Variants in PLSCR1 observed in about 807,000 individuals in gnomAD.
PLSCR1 encodes PL scramblase 1.
A neutral mutation model predicts 37.8 loss-of-function variants in PLSCR1; 17 were observed. The ratio of observed to expected loss-of-function variants is 0.45; its 90% confidence interval spans 0.31 to 0.68. PLSCR1 has a LOEUF of 0.68. PLSCR1 is among the 30% of genes least tolerant of loss of function. The probability of loss-of-function intolerance (pLI) is 0.06; values close to 1 mark genes in which losing one functional copy is unlikely to be tolerated. For missense variants in PLSCR1, 347 were observed against 380.9 expected, an observed-to-expected ratio of 0.91 and a Z score of 0.74; for synonymous variants, 116 against 125.9, an observed-to-expected ratio of 0.92 and a Z score of 0.53.
At chr3:146,538,765 T>C (rs540630923) in intron 1 of PLSCR1, among the ~76,000 whole-genome samples, 8 of 152,168 alleles carry the variant, frequency 5.3e-5, no homozygotes, top group Non-Finnish European at 1.0e-4. Flanking sequence ...AAAAAATTCA[T>C]AGTTTCTGGA....
chr3:146,521,726 A>G lies in PLSCR1; in HGVS notation c.577-21T>C, dbSNP rs1279448170. 2.5e-6 allele frequency: 4 copies of G among 1,596,840 alleles called. No individual in the cohort carries two copies. The South Asian group carries it at 4.4e-5, about 18-fold the overall frequency. Reference sequence around the variant, plus strand: ...TCTATCTACAAAGGCAAAATAATATATGTAAATGTAATAATCATAATGCCT... The same window carrying G: ...TCTATCTACAAAGGCAAAATAATATGTGTAAATGTAATAATCATAATGCCT... On this transcript the variant is annotated intron_variant, in intron 6 of 8. Coordinates refer to ENST00000342435, the MANE Select transcript of PLSCR1 (RefSeq NM_021105.3).
chr3:146,536,803 A>C, intron 1 of PLSCR1: 1 of 400,256 alleles, frequency 2.5e-6, no homozygotes. Flanking sequence ...ACACATTCTA[A>C]AGCCTTTTGG....
intron 3 of PLSCR1, among the ~76,000 whole-genome samples, chr3:146,531,389 C>A (rs996226416): frequency 2.0e-5 from 3 of 151,786 alleles, no homozygotes; most frequent in Non-Finnish European, 4.4e-5. Flanking sequence ...AAAATAGGGG[C>A]TCTACACTCT....
rs145254770 is a variant in PLSCR1 at position 146,528,780 on chromosome 3, G to C, written c.146C>G (p.Pro49Arg). ...YPGPQVSYPP[P>R]PAGHSGPGPA... ...GCCAGGACCTGAATGGCCGGCTGGT[G>C]GGGGTGGGTAGCTGACCTGGGGCCC... The change falls in exon 4 of 9, where the codon CCA becomes CGA. Residue 49 changes from proline (P) to arginine (R), a missense_variant. By Grantham distance (103) the Pro-to-Arg change is moderately radical. Coordinates refer to ENST00000342435, the MANE Select transcript of PLSCR1 (RefSeq NM_021105.3). The C allele has an allele frequency of 1.0e-4, 168 of 1,614,048 alleles. No individual in the cohort carries two copies. Among genetic ancestry groups the C allele is most frequent in the Non-Finnish European group, 1.3e-4 (152 of 1,180,012 alleles).
At chr3:146,523,304 C>T (rs1027973532) in intron 5 of PLSCR1, among the ~76,000 whole-genome samples, 10 of 152,238 alleles carry the variant, frequency 6.6e-5, no homozygotes, top group African/African-American at 2.4e-4. Context: ...GACTTTTCTG[C>T]TGAGAGTTGG....
At chr3:146,522,228 A>G (rs2044033365) in intron 5 of PLSCR1, among the ~76,000 whole-genome samples, 175 bp from the exon 6 acceptor site, 1 of 152,106 alleles carries the variant, frequency 6.6e-6, no homozygotes, top group South Asian at 2.1e-4. Context: ...AAAAAAGGAG[A>G]GATTACCAAT....
At position 146,528,638 on chromosome 3, in the gene PLSCR1, T is replaced by C. The variant is rs1448176800; in HGVS notation, c.288A>G (p.Pro96=). 6.2e-7 allele frequency: 1 copy of C among 1,613,884 alleles called. No individual in the cohort carries two copies. The highest frequency in any genetic ancestry group is 8.5e-7 in the Non-Finnish European group (1 of 1,179,718). ...CCTGACTTAAATATTCTAATCCAGG[T>C]GGACAGTTTAATGGAGGCTGTGGCG... ...MPAPQPPLNC[P]PGLEYLSQID... is the part of the protein sequence containing the mutation. The change falls in exon 4 of 9, where the codon CCA becomes CCG. Residue 96 remains proline, a synonymous_variant. Transcript: ENST00000342435.
chr3:146,538,185 C>T (rs935373594), intron 1 of PLSCR1: 1 of 152,152 alleles, frequency 6.6e-6, no homozygotes. Context: ...AAAATTTATA[C>T]TTTTCTGCTG....
At position 146,536,537 on chromosome 3, in the gene PLSCR1, T is replaced by G. The variant is rs772767992; in HGVS notation, c.13+3A>C. On this transcript the variant is annotated splice_donor_region_variant and intron_variant, in intron 2 of 8. Transcript: ENST00000342435. ...AAGTAAACATTTAAAATAAATTACT[T>G]ACTTTGTTTGTCCATGATTAAAACA... 7.2e-7 allele frequency: 1 copy of G among 1,393,462 alleles called. No homozygotes were observed. The highest frequency in any genetic ancestry group is 1.7e-5 in the Admixed American group (1 of 59,554). The allele number at this position is 1,393,462 out of a possible 1,614,324, so 86.3% of individuals were successfully genotyped here.
intron 8 of PLSCR1, 114 bp from the exon 9 acceptor site, chr3:146,516,215 A>G (rs1403108284): frequency 1.8e-5 from 10 of 569,256 alleles, no homozygotes; most frequent in Non-Finnish European, 2.7e-5. Context: ...CTGTTAAAAA[A>G]ATTAAATGTA....
At chr3:146,525,400 C>T in intron 5 of PLSCR1, 1 of 497,092 alleles carries the variant, frequency 2.0e-6, no homozygotes, top group Admixed American at 4.3e-5. Context: ...TGTCAATATC[C>T]CGAGGGCAGG....
intron 4 of PLSCR1, among the ~76,000 whole-genome samples, chr3:146,527,041 G>A (rs1038700015): frequency 6.6e-6 from 1 of 152,150 alleles, no homozygotes; most frequent in African/African-American, 2.4e-5. Context: ...GGAGGCTGAG[G>A]CAAGAGAATA....
chr3:146,522,286 T>C (rs1031038074), intron 5 of PLSCR1, among the ~76,000 whole-genome samples: 3 of 152,056 alleles, frequency 2.0e-5, no homozygotes, highest in African/African-American at 7.2e-5. Flanking sequence ...AGAGATCAGA[T>C]TGTTACCATG....
chr3:146,543,642 C>T (rs2044366152), intron 1 of PLSCR1, among the ~76,000 whole-genome samples: 1 of 152,200 alleles, frequency 6.6e-6, no homozygotes, highest in African/African-American at 2.4e-5. Context: ...ACCTGGGAAC[C>T]AGAGAATCAG....
intron 1 of PLSCR1, among the ~76,000 whole-genome samples, chr3:146,538,654 T>C (rs1269640209): frequency 6.6e-6 from 1 of 152,154 alleles, no homozygotes; most frequent in Non-Finnish European, 1.5e-5. Flanking sequence ...CACTAAATAA[T>C]GTCTAAGGGC....
chr3:146,542,850 C>G lies in PLSCR1; in HGVS notation c.-14+1617G>C, dbSNP rs114544680. The stretch of plus-strand genomic sequence containing the variant: ...GAATTAATTGAAGGCATAGAGCATG[C>G]AAGGCACTATACCAGGCACTAGAGC... On this transcript the variant is annotated intron_variant, in intron 1 of 8. Coordinates refer to ENST00000342435, the MANE Select transcript of PLSCR1 (RefSeq NM_021105.3). Among the ~76,000 whole-genome samples, 556 of 152,146 alleles carry G rather than the reference C, an allele frequency of 3.7e-3. 3 individuals are homozygous for G. Among genetic ancestry groups the G allele is most frequent in the African/African-American group, 0.013 (542 of 41,512 alleles).
chr3:146,532,094 T>C (rs888063319), intron 3 of PLSCR1, among the ~76,000 whole-genome samples: 1 of 152,186 alleles, frequency 6.6e-6, no homozygotes, highest in African/African-American at 2.4e-5. Flanking sequence ...TTAAGACTTG[T>C]GCTATATGTA....
chr3:146,543,095 T>C (rs2044357617), intron 1 of PLSCR1, among the ~76,000 whole-genome samples: 1 of 152,030 alleles, frequency 6.6e-6, no homozygotes, highest in Non-Finnish European at 1.5e-5. Context: ...TTGGAGGGCA[T>C]CATAGATAGA....
intron 8 of PLSCR1, 52 bp downstream of exon 8, chr3:146,516,954 G>C: frequency 8.9e-7 from 1 of 1,118,468 alleles, no homozygotes. Flanking sequence ...AATCATTTCA[G>C]AATGAACCTA....
Sources: allele counts gnomAD v4.1 joint callset (sites outside exome capture counted in the v4.1 genomes callset), GRCh38; gene constraint gnomAD v4.1.1; transcripts MANE v1.5; gene names NCBI Gene and HGNC (gene_info 2026-07-23, HGNC 2026-07-21).